The following CSMD2 variants were observed in gnomAD, a reference collection of about 807,000 sequenced individuals.
The protein encoded by CSMD2 is CUB and sushi domain-containing protein 2.
A neutral mutation model predicts 398.5 loss-of-function variants in CSMD2; 130 were observed. The observed-to-expected ratio is 0.33, with a 90% CI of 0.28 to 0.38. The LOEUF is 0.38. CSMD2 is among the 10% of genes least tolerant of loss of function. The pLI, the probability that CSMD2 is intolerant of heterozygous loss-of-function variation, is 1.00. For missense variants in CSMD2, 3,829 were observed against 4,764.9 expected (o/e 0.80, Z 5.78); for synonymous variants, 1,828 against 1,908.5 (o/e 0.96, Z 1.10).
At chr1:34,062,877 A>G (rs1281473558) in intron 2 of CSMD2, among the ~76,000 whole-genome samples, 3 of 152,226 alleles carry the variant, frequency 2.0e-5, no homozygotes, top group Non-Finnish European at 4.4e-5. Context: ...CTGCTGATAA[A>G]GACATACCCG....
intron 1 of CSMD2, among the ~76,000 whole-genome samples, chr1:34,099,429 C>T (rs1375568197): frequency 2.0e-5 from 3 of 152,212 alleles, no homozygotes; most frequent in African/African-American, 7.2e-5. Flanking sequence ...CTCCCCGATT[C>T]GTGTTGTGGA....
At chr1:33,696,803 G>GTCTAC (rs1645434279) in intron 24 of CSMD2, among the ~76,000 whole-genome samples, 1 of 152,108 alleles carries the variant, frequency 6.6e-6, no homozygotes, top group Non-Finnish European at 1.5e-5. Context: ...GAACATGTAA[G>GTCTAC]TCTACTCTTT....
chr1:33,889,135 G>C (rs1232315621), intron 5 of CSMD2, among the ~76,000 whole-genome samples: 1 of 152,066 alleles, frequency 6.6e-6, no homozygotes, highest in Non-Finnish European at 1.5e-5. Flanking sequence ...AACAAAGTAA[G>C]GCTAAAAGAC....
intron 55 of CSMD2, among the ~76,000 whole-genome samples, chr1:33,552,637 G>A (rs1351967031): frequency 6.6e-6 from 1 of 152,188 alleles, no homozygotes; most frequent in Non-Finnish European, 1.5e-5. Context: ...ATGCTAAAAC[G>A]TGGATGAACT....
chr1:34,081,710 T>C (rs971180637), intron 2 of CSMD2, among the ~76,000 whole-genome samples: 2 of 152,230 alleles, frequency 1.3e-5, no homozygotes, highest in African/African-American at 4.8e-5. Flanking sequence ...TGCTCAATGT[T>C]GCCCAGGCTG....
intron 5 of CSMD2, among the ~76,000 whole-genome samples, chr1:33,854,407 G>A (rs560114362): frequency 1.3e-5 from 2 of 152,340 alleles, no homozygotes; most frequent in East Asian, 3.9e-4. Flanking sequence ...TTACATGTGG[G>A]GAAAAGCAGA....
chr1:33,736,561 A>G (rs652391), intron 15 of CSMD2, among the ~76,000 whole-genome samples: 56,767 of 152,134 alleles, frequency 0.37, 13,425 homozygotes, highest in African/African-American at 0.68. Flanking sequence ...ATGGCCTTGA[A>G]GGTTTCAATG....
chr1:34,098,291 A>C (rs1188068439), intron 1 of CSMD2, among the ~76,000 whole-genome samples: 5 of 133,794 alleles, frequency 3.7e-5, no homozygotes, highest in Non-Finnish European at 8.0e-5. Context: ...GAGGGATAGC[A>C]TTGGGAGATA....
chr1:33,535,008 G>A (rs921235152), intron 62 of CSMD2, among the ~76,000 whole-genome samples: 1 of 152,148 alleles, frequency 6.6e-6, no homozygotes, highest in Non-Finnish European at 1.5e-5. Context: ...TCAGCAGCCT[G>A]AGTAATATTT....
intron 62 of CSMD2, among the ~76,000 whole-genome samples, chr1:33,536,552 C>T (rs1655806864): frequency 6.6e-6 from 1 of 152,200 alleles, no homozygotes; most frequent in Admixed American, 6.5e-5. Context: ...GTGTCACAAC[C>T]CAGACTGTCC....
At chr1:34,130,771 CTT>C (rs1163560067) in intron 1 of CSMD2, among the ~76,000 whole-genome samples, 3 of 152,098 alleles carry the variant, frequency 2.0e-5, no homozygotes, top group Non-Finnish European at 4.4e-5. Context: ...CTCAGGATGT[CTT>C]TCTTCTCTGA....
rs145680084 is a variant in CSMD2, at chr1:34,023,854, A to C, written c.517+8740T>G. On this transcript the variant is annotated intron_variant, in intron 3 of 70. Coordinates refer to ENST00000373381, the MANE Select transcript of CSMD2 (RefSeq NM_001281956.2). ...TACACTGGGGATATGGCAGAGCTCA[A>C]ACTTGATCTCCAGAAACCTAACCGG... 4.1e-3 allele frequency among the ~76,000 whole-genome samples: 623 copies of C among 152,316 alleles called. 7 individuals are homozygous for C. Among genetic ancestry groups the C allele is most frequent in the African/African-American group, 0.014 (596 of 41,582 alleles).
intron 15 of CSMD2, among the ~76,000 whole-genome samples, chr1:33,733,377 A>T (rs1037490147): frequency 1.1e-4 from 16 of 152,214 alleles, no homozygotes; most frequent in Non-Finnish European, 2.4e-4. Context: ...ATGATTCTGG[A>T]ATCAGAATAT....
At chr1:33,563,548 A>C (rs1191639656) in intron 53 of CSMD2, among the ~76,000 whole-genome samples, 3 of 152,142 alleles carry the variant, frequency 2.0e-5, no homozygotes, top group Non-Finnish European at 2.9e-5. Flanking sequence ...GCTCGCAGTC[A>C]TTGTCTCACT....
intron 19 of CSMD2, among the ~76,000 whole-genome samples, chr1:33,718,564 C>T (rs759452626): frequency 6.6e-5 from 10 of 152,132 alleles, no homozygotes; most frequent in Non-Finnish European, 1.3e-4. Flanking sequence ...AAGTGTGATC[C>T]CACTTTCTAC....
intron 13 of CSMD2, among the ~76,000 whole-genome samples, chr1:33,748,845 C>A (rs1647768503): frequency 6.6e-6 from 1 of 152,076 alleles, no homozygotes; most frequent in South Asian, 2.1e-4. Flanking sequence ...ACAAGGAATG[C>A]AAACTTCTTT....
At chr1:33,669,004 A>G (rs892719751) in intron 25 of CSMD2, among the ~76,000 whole-genome samples, 1 of 152,240 alleles carries the variant, frequency 6.6e-6, no homozygotes, top group African/African-American at 2.4e-5. Context: ...AAACGTTTGT[A>G]GAAAATCTCC....
chr1:34,136,003 A>T (rs1431173498), intron 1 of CSMD2, among the ~76,000 whole-genome samples: 1 of 152,058 alleles, frequency 6.6e-6, no homozygotes, highest in Non-Finnish European at 1.5e-5. Flanking sequence ...ATTAAAAAGT[A>T]GTTATAACTA....
intron 36 of CSMD2, among the ~76,000 whole-genome samples, chr1:33,622,771 A>AG (rs1641856286): frequency 6.6e-6 from 1 of 152,242 alleles, no homozygotes; most frequent in South Asian, 2.1e-4. Flanking sequence ...TTTGGAAAAC[A>AG]GGAAGTTCCT....
Sources: allele counts gnomAD v4.1 joint callset (sites outside exome capture counted in the v4.1 genomes callset), GRCh38; gene constraint gnomAD v4.1.1; transcripts MANE v1.5; gene names NCBI Gene and HGNC (gene_info 2026-07-23, HGNC 2026-07-21).